Variants in MVB12B observed in about 807,000 individuals in gnomAD.
The protein encoded by MVB12B is ESCRT-I complex subunit MVB12B.
A neutral mutation model predicts 41.6 loss-of-function variants in MVB12B; 16 were observed. The observed-to-expected ratio is 0.38, with a 90% CI of 0.26 to 0.58. The LOEUF (loss-of-function observed/expected upper bound fraction) is 0.58. Among genes scored for constraint, MVB12B ranks in the 20% least tolerant of loss-of-function variants. The probability of loss-of-function intolerance (pLI) is 0.62; values close to 1 mark genes in which losing one functional copy is unlikely to be tolerated. For synonymous variants in MVB12B, 133 were observed against 139.7 expected (o/e 0.95, Z 0.34); for missense variants, 274 against 380.2 (o/e 0.72, Z 2.32).
At chr9:126,328,934 G>A (rs1366779371) in intron 1 of MVB12B, among the ~76,000 whole-genome samples, 1 of 151,876 alleles carries the variant, frequency 6.6e-6, no homozygotes, top group Non-Finnish European at 1.5e-5. Flanking sequence ...CACCACGCTC[G>A]GCTGTTTTTT....
intron 2 of MVB12B, among the ~76,000 whole-genome samples, chr9:126,363,461 C>T (rs750799667): frequency 3.3e-5 from 5 of 152,296 alleles, no homozygotes; most frequent in South Asian, 2.1e-4. Flanking sequence ...CCGTTCTCCA[C>T]GCTCCTTTCT....
chr9:126,452,768 G>T (rs1832908620), intron 7 of MVB12B, among the ~76,000 whole-genome samples: 1 of 152,082 alleles, frequency 6.6e-6, no homozygotes, highest in Non-Finnish European at 1.5e-5. Context: ...TGAAGTAATT[G>T]GGATGTCTTA....
chr9:126,338,790 A>G (rs564851525), intron 1 of MVB12B, among the ~76,000 whole-genome samples: 32 of 152,272 alleles, frequency 2.1e-4, no homozygotes, highest in African/African-American at 7.2e-4. Flanking sequence ...CTTTTGATCA[A>G]TGCCTGCTCT....
chr9:126,380,951 C>T (rs190835423), intron 2 of MVB12B, 113 bp from the exon 3 acceptor site: 28 of 723,888 alleles, frequency 3.9e-5, no homozygotes, highest in Non-Finnish European at 6.4e-5. Flanking sequence ...AATGAGATGC[C>T]GGGAGATCCC....
intron 7 of MVB12B, among the ~76,000 whole-genome samples, chr9:126,447,423 A>C (rs942138365): frequency 4.0e-5 from 6 of 151,896 alleles, no homozygotes; most frequent in Admixed American, 2.0e-4. Context: ...TATAATATTT[A>C]TTTATAAATA....
intron 6 of MVB12B, among the ~76,000 whole-genome samples, chr9:126,416,117 G>A (rs984485990): frequency 1.3e-5 from 2 of 152,218 alleles, no homozygotes; most frequent in Admixed American, 6.5e-5. Flanking sequence ...TCATCCTGAT[G>A]CAGAGGAAAG....
chr9:126,441,059 C>T (rs563623703), intron 7 of MVB12B, among the ~76,000 whole-genome samples: 2 of 152,232 alleles, frequency 1.3e-5, no homozygotes, highest in Admixed American at 6.5e-5. Flanking sequence ...CCCTTCTGTT[C>T]TCCCGATGCA....
intron 2 of MVB12B, among the ~76,000 whole-genome samples, chr9:126,344,485 G>A (rs1024673703): frequency 1.3e-5 from 2 of 152,178 alleles, no homozygotes; most frequent in Non-Finnish European, 2.9e-5. Context: ...GTTCTTCAGC[G>A]CCAGCTTTCT....
rs570766095 is a variant in MVB12B at position 126,388,275 on chromosome 9, A to T, written c.409+1617A>T. Among the ~76,000 whole-genome samples the T allele has an allele frequency of 5.3e-5, 8 of 152,278 alleles. No homozygotes were observed. The East Asian group carries it at 1.5e-3, about 29-fold the overall frequency. On this transcript the variant is annotated intron_variant, in intron 4 of 9. Transcript: ENST00000361171. ...TTGCCTATTCTGGACATCTCATATA[A>T]ATGGAATCATACAGCGTGTGGTCTT...
chr9:126,470,871 C>G (rs1020829073), intron 7 of MVB12B, among the ~76,000 whole-genome samples: 1 of 152,062 alleles, frequency 6.6e-6, no homozygotes, highest in Non-Finnish European at 1.5e-5. Flanking sequence ...TATGTGAAAG[C>G]AGGTAGAAAA....
At position 126,387,945 on chromosome 9, in the gene MVB12B, G is replaced by A. The variant is rs571304255; in HGVS notation, c.409+1287G>A. On this transcript the variant is annotated intron_variant, in intron 4 of 9. Transcript: ENST00000361171. ...CTCCAGCCACACTTTTAACCACGGC[G>A]GCACACTGGAAGAGCATGTGTATAA... Among the ~76,000 whole-genome samples, 50 of 152,236 alleles carry A rather than the reference G, an allele frequency of 3.3e-4. No homozygotes were observed. In the South Asian group the frequency reaches 4.2e-3, roughly 13 times the overall value.
chr9:126,490,092 C>T (rs570155157), intron 9 of MVB12B, among the ~76,000 whole-genome samples: 2 of 152,272 alleles, frequency 1.3e-5, no homozygotes, highest in African/African-American at 4.8e-5. Flanking sequence ...CTTCTCTGGG[C>T]GTGAGGAGAT....
chr9:126,332,658 G>C (rs1195629967), intron 1 of MVB12B, among the ~76,000 whole-genome samples: 2 of 152,198 alleles, frequency 1.3e-5, no homozygotes, highest in Non-Finnish European at 2.9e-5. Flanking sequence ...GGGTCTGACA[G>C]CTCTGCTGTT....
At chr9:126,404,554 C>T (rs1249784825) in intron 6 of MVB12B, among the ~76,000 whole-genome samples, 1 of 152,230 alleles carries the variant, frequency 6.6e-6, no homozygotes, top group Non-Finnish European at 1.5e-5. Context: ...TCTCCAGGCT[C>T]CTGACCAGCA....
At chr9:126,497,401 C>T (rs967938173) in intron 9 of MVB12B, among the ~76,000 whole-genome samples, 8 of 152,082 alleles carry the variant, frequency 5.3e-5, no homozygotes, top group East Asian at 3.9e-4. Flanking sequence ...GCCCACGCCC[C>T]GCAGTGTGGT....
At chr9:126,440,194 C>G (rs1832595294) in intron 7 of MVB12B, among the ~76,000 whole-genome samples, 2 of 152,202 alleles carry the variant, frequency 1.3e-5, no homozygotes, top group South Asian at 4.1e-4. Context: ...CGGGCTCTGG[C>G]TGCTGACTCC....
chr9:126,481,047 C>T (rs1240203753), intron 7 of MVB12B: 1 of 333,674 alleles, frequency 3.0e-6, no homozygotes. Context: ...TGGTGACTCT[C>T]CCGTTACAGA....
At chr9:126,476,751 C>T (rs1833429472) in intron 7 of MVB12B, among the ~76,000 whole-genome samples, 1 of 151,396 alleles carries the variant, frequency 6.6e-6, no homozygotes, top group Non-Finnish European at 1.5e-5. Flanking sequence ...GTGGCGGGTG[C>T]CTGTAGTCCC....
At chr9:126,434,033 C>A (rs1832400480) in intron 7 of MVB12B, among the ~76,000 whole-genome samples, 2 of 152,094 alleles carry the variant, frequency 1.3e-5, no homozygotes, top group South Asian at 4.2e-4. Flanking sequence ...TATGAGGGTC[C>A]CCCTTTTTTG....
Sources: allele counts gnomAD v4.1 joint callset (sites outside exome capture counted in the v4.1 genomes callset), GRCh38; gene constraint gnomAD v4.1.1; transcripts MANE v1.5; gene names NCBI Gene and HGNC (gene_info 2026-07-23, HGNC 2026-07-21).